The following CNTNAP2 variants were observed in gnomAD, a reference collection of about 807,000 sequenced individuals.
CNTNAP2 encodes the protein contactin associated protein 2, also known as contactin-associated protein-like 2.
Under a neutral mutation model 155.2 loss-of-function variants are expected in CNTNAP2, and 98 were observed. That is an observed-to-expected ratio of 0.63 (90% CI 0.54 to 0.75). CNTNAP2 has a LOEUF of 0.75. Ranked by LOEUF, CNTNAP2 falls within the 30% of genes least tolerant of loss-of-function variation. The pLI is 0.00. For missense variants in CNTNAP2, 1,727 were observed against 1,688.1 expected, an observed-to-expected ratio of 1.02 and a Z score of -0.40; for synonymous variants, 651 against 631.2, an observed-to-expected ratio of 1.03 and a Z score of -0.47.
At position 146,440,600 on chromosome 7, in the gene CNTNAP2, C is replaced by A. The variant is rs1004193918; in HGVS notation, c.97+323627C>A. On this transcript the variant is annotated intron_variant, in intron 1 of 23. Coordinates refer to ENST00000361727, the MANE Select transcript of CNTNAP2 (RefSeq NM_014141.6). ...TGTATATCTTCATTTTTAAAAAAAT[C>A]AGACTCTTGAGAATTTCATTACCTA... Among the ~76,000 whole-genome samples the A allele has an allele frequency of 2.6e-5, 4 of 151,462 alleles. No homozygotes were observed. The South Asian group carries it at 8.3e-4, about 31-fold the overall frequency.
chr7:147,704,371 C>A, intron 13 of CNTNAP2: 1 of 164,642 alleles, frequency 6.1e-6, no homozygotes, highest in South Asian at 1.8e-4. Flanking sequence ...ATCAGTTTGC[C>A]CCATACCAAA....
chr7:146,352,868 C>T (rs557564581), intron 1 of CNTNAP2, among the ~76,000 whole-genome samples: 2 of 148,602 alleles, frequency 1.3e-5, no homozygotes, highest in Non-Finnish European at 3.0e-5. Context: ...CATTCTCCTG[C>T]CTCAGCCTCC....
At chr7:147,571,808 C>T (rs1429651729) in intron 12 of CNTNAP2, among the ~76,000 whole-genome samples, 10 of 151,886 alleles carry the variant, frequency 6.6e-5, no homozygotes, top group Admixed American at 6.6e-4. Context: ...CATTATATTC[C>T]CTCTACTCAT....
chr7:147,853,565 G>T lies in CNTNAP2; in HGVS notation c.2099-50000G>T, dbSNP rs118129933. On this transcript the variant is annotated intron_variant, in intron 13 of 23. Transcript: ENST00000361727. Reference sequence around the variant, plus strand: ...CTAAATTAGAAGCTCGATTATATATGTTATTTCTGTTTAAAAGGCACTAAT... The same window carrying T: ...CTAAATTAGAAGCTCGATTATATATTTTATTTCTGTTTAAAAGGCACTAAT... 4.9e-3 allele frequency among the ~76,000 whole-genome samples: 745 copies of T among 152,264 alleles called. 4 individuals carry two copies. Among genetic ancestry groups the T allele is most frequent in the Non-Finnish European group, 8.0e-3 (543 of 68,016 alleles).
intron 12 of CNTNAP2, among the ~76,000 whole-genome samples, chr7:147,579,503 T>A (rs1345227566): frequency 6.6e-6 from 1 of 152,126 alleles, no homozygotes; most frequent in African/African-American, 2.4e-5. Flanking sequence ...CATTGAATTA[T>A]TGAAAAATGA....
intron 2 of CNTNAP2, among the ~76,000 whole-genome samples, chr7:146,779,505 C>G (rs10279644): frequency 0.043 from 6,562 of 152,146 alleles, 488 homozygotes; most frequent in African/African-American, 0.14. Flanking sequence ...ATGATGGTGC[C>G]TAAAATGAGT....
chr7:146,762,853 A>G (rs188625140), intron 1 of CNTNAP2, among the ~76,000 whole-genome samples: 393 of 152,170 alleles, frequency 2.6e-3, no homozygotes, highest in Non-Finnish European at 4.1e-3. Context: ...CATGAGACTT[A>G]TTTACTATCA....
intron 1 of CNTNAP2, among the ~76,000 whole-genome samples, chr7:146,589,798 T>C (rs940661509): frequency 6.6e-6 from 1 of 151,882 alleles, no homozygotes; most frequent in Admixed American, 6.6e-5. Flanking sequence ...AGTTTATGTG[T>C]TATTCAAGTG....
chr7:147,512,179 C>T (rs1201812530), intron 11 of CNTNAP2, among the ~76,000 whole-genome samples: 3 of 152,160 alleles, frequency 2.0e-5, no homozygotes, highest in Non-Finnish European at 4.4e-5. Context: ...TCACCATCGC[C>T]GTGCCCACAC....
At chr7:147,463,319 C>T (rs1007172262) in intron 10 of CNTNAP2, among the ~76,000 whole-genome samples, 6 of 152,166 alleles carry the variant, frequency 3.9e-5, no homozygotes, top group African/African-American at 1.4e-4. Context: ...AATGTTACAA[C>T]CTTGAACTTT....
chr7:148,244,253 T>C (rs1796213983), intron 20 of CNTNAP2, among the ~76,000 whole-genome samples: 1 of 152,238 alleles, frequency 6.6e-6, no homozygotes, highest in African/African-American at 2.4e-5. Flanking sequence ...TGAAATTATG[T>C]TGGCACAGAG....
At chr7:147,447,205 T>C (rs561789104) in intron 10 of CNTNAP2, among the ~76,000 whole-genome samples, 1 of 152,302 alleles carries the variant, frequency 6.6e-6, no homozygotes, top group Admixed American at 6.5e-5. Context: ...TCAGAAAGTT[T>C]TAGAGAATGC....
At chr7:147,654,488 T>A (rs1795495282) in intron 13 of CNTNAP2, among the ~76,000 whole-genome samples, 1 of 152,202 alleles carries the variant, frequency 6.6e-6, no homozygotes, top group Non-Finnish European at 1.5e-5. Flanking sequence ...AAACAACTCA[T>A]CCATTAAAGT....
At chr7:147,172,988 T>C (rs1274312570) in intron 8 of CNTNAP2, among the ~76,000 whole-genome samples, 2 of 152,136 alleles carry the variant, frequency 1.3e-5, no homozygotes, top group Non-Finnish European at 2.9e-5. Flanking sequence ...AGAATACATA[T>C]TGATTGTCAG....
intron 1 of CNTNAP2, among the ~76,000 whole-genome samples, chr7:146,569,156 A>G (rs1006959448): frequency 3.9e-5 from 6 of 152,094 alleles, no homozygotes; most frequent in Admixed American, 2.6e-4. Context: ...AGCTGGGACT[A>G]CAGGCGCCCA....
intron 17 of CNTNAP2, among the ~76,000 whole-genome samples, chr7:148,165,353 A>G (rs549893495): frequency 6.6e-6 from 1 of 152,288 alleles, no homozygotes; most frequent in African/African-American, 2.4e-5. Flanking sequence ...TAAAGGTCCC[A>G]TCTTCAAATG....
At chr7:146,950,663 T>C (rs763679760) in intron 3 of CNTNAP2, among the ~76,000 whole-genome samples, 63 of 152,216 alleles carry the variant, frequency 4.1e-4, no homozygotes, top group Non-Finnish European at 8.1e-4. Context: ...ATGGTGTATA[T>C]GTGCCACATT....
At position 146,587,920 on chromosome 7, in the gene CNTNAP2, C is replaced by G. The variant is rs537549579; in HGVS notation, c.98-186351C>G. On this transcript the variant is annotated intron_variant, in intron 1 of 23. Coordinates refer to ENST00000361727, the MANE Select transcript of CNTNAP2 (RefSeq NM_014141.6). ...AACTCCTGACCTCAGGTGATCTGCC[C>G]ACCTCAGCCTCCTAAAGTGCTGGGA... Among the ~76,000 whole-genome samples, 7 of 152,056 alleles carry G rather than the reference C, an allele frequency of 4.6e-5. No homozygotes were observed. In the South Asian group the frequency reaches 1.5e-3, roughly 32 times the overall value.
At chr7:146,726,148 G>T (rs1402218185) in intron 1 of CNTNAP2, among the ~76,000 whole-genome samples, 1 of 152,054 alleles carries the variant, frequency 6.6e-6, no homozygotes, top group East Asian at 1.9e-4. Context: ...AACATTTAAG[G>T]TATTCTCTAC....
Sources: allele counts gnomAD v4.1 joint callset (sites outside exome capture counted in the v4.1 genomes callset), GRCh38; gene constraint gnomAD v4.1.1; transcripts MANE v1.5; gene names NCBI Gene and HGNC (gene_info 2026-07-23, HGNC 2026-07-21).